RANBP2: variants seen among roughly 807,000 people sequenced by gnomAD.
RANBP2 encodes the protein RAN binding protein 2, also known as E3 SUMO-protein ligase RanBP2.
In RANBP2, 57 loss-of-function variants were observed where a neutral mutation model predicts 303.6. That is an observed-to-expected ratio of 0.19 (90% CI 0.15 to 0.23). RANBP2 has a LOEUF of 0.23. Ranked by LOEUF, RANBP2 falls within the 10% of genes least tolerant of loss-of-function variation. The pLI is 1.00. For synonymous variants in RANBP2, 1,167 were observed against 1,301.5 expected (o/e 0.90, Z 2.23); for missense variants, 3,138 against 3,780.8 (o/e 0.83, Z 4.46).
At chr2:108,806,206 G>A in the RANBP2 span, among the ~76,000 whole-genome samples, 1 of 152,214 alleles carries the variant, frequency 6.6e-6, no homozygotes, top group Non-Finnish European at 1.5e-5. Context: ...TGTCTGTTTG[G>A]AATCCCACTT....
the RANBP2 span, among the ~76,000 whole-genome samples, chr2:109,520,322 G>A: frequency 6.6e-6 from 1 of 152,172 alleles, no homozygotes; most frequent in Non-Finnish European, 1.5e-5. Context: ...TATGATGTTG[G>A]CCAGGCGCGG....
chr2:108,866,944 G>A, the RANBP2 span, among the ~76,000 whole-genome samples: 711 of 151,378 alleles, frequency 4.7e-3, 7 homozygotes, highest in African/African-American at 0.014. Context: ...TTCCTCCCCT[G>A]TATTATAAAT....
chr2:109,679,833 C>G, the RANBP2 span, among the ~76,000 whole-genome samples: 2 of 152,106 alleles, frequency 1.3e-5, no homozygotes, highest in African/African-American at 4.8e-5. Context: ...GCTCACAATT[C>G]AAGTTTGAGA....
chr2:108,947,686 T>C, the RANBP2 span, among the ~76,000 whole-genome samples: 3 of 152,186 alleles, frequency 2.0e-5, no homozygotes, highest in African/African-American at 7.2e-5. Context: ...TAGCTGCAGC[T>C]GGAGCTGGAG....
the RANBP2 span, among the ~76,000 whole-genome samples, chr2:109,677,345 G>A: frequency 5.3e-5 from 8 of 152,176 alleles, no homozygotes; most frequent in African/African-American, 1.7e-4. Context: ...CTTGGGGGCA[G>A]GGGGCTTGTG....
the RANBP2 span, among the ~76,000 whole-genome samples, chr2:109,365,811 T>C: frequency 6.6e-6 from 1 of 152,254 alleles, no homozygotes; most frequent in Non-Finnish European, 1.5e-5. Context: ...TTGTGAACTA[T>C]GATCCTGCCA....
chr2:109,498,675 A>G, the RANBP2 span, among the ~76,000 whole-genome samples: 2 of 152,328 alleles, frequency 1.3e-5, no homozygotes, highest in East Asian at 3.9e-4. Flanking sequence ...TAGGTCCAGG[A>G]TGGGCCCAGG....
At chr2:109,198,249 A>T in the RANBP2 span, among the ~76,000 whole-genome samples, 1 of 152,200 alleles carries the variant, frequency 6.6e-6, no homozygotes, top group Non-Finnish European at 1.5e-5. Context: ...CCAGCCTGTG[A>T]TCTAAGCCCT....
At chr2:109,726,376 C>T in the RANBP2 span, among the ~76,000 whole-genome samples, 1 of 151,970 alleles carries the variant, frequency 6.6e-6, no homozygotes, top group Non-Finnish European at 1.5e-5. Flanking sequence ...CACCACTGCA[C>T]TCCAGCCTGG....
At chr2:108,833,881 CCACGCCCGGCT>C in the RANBP2 span, among the ~76,000 whole-genome samples, 1 of 146,694 alleles carries the variant, frequency 6.8e-6, no homozygotes, top group Non-Finnish European at 1.5e-5. Flanking sequence ...GCGCCCGCTA[CCACGCCCGGCT>C]AATTTTTTTT....
the RANBP2 span, among the ~76,000 whole-genome samples, chr2:109,242,204 G>C: frequency 7.9e-5 from 12 of 152,204 alleles, no homozygotes; most frequent in African/African-American, 2.9e-4. Flanking sequence ...CCCTTTTCCT[G>C]CTGTTCTCAA....
chr2:109,568,839 A>T, the RANBP2 span, among the ~76,000 whole-genome samples: 1 of 152,190 alleles, frequency 6.6e-6, no homozygotes, highest in Admixed American at 6.5e-5. Context: ...CTTAGACAGC[A>T]GAGGAAGGAA....
the RANBP2 span, among the ~76,000 whole-genome samples, chr2:108,914,739 G>A: frequency 1.3e-5 from 2 of 152,284 alleles, no homozygotes; most frequent in South Asian, 2.1e-4. Flanking sequence ...GGAGAAATCC[G>A]TGAAGTGCAC....
At chr2:109,630,993 G>A in the RANBP2 span, among the ~76,000 whole-genome samples, 2 of 152,192 alleles carry the variant, frequency 1.3e-5, no homozygotes, top group Admixed American at 1.3e-4. Flanking sequence ...TTGAACCCGG[G>A]AGGCGGAGGT....
At chr2:109,597,311 C>A in the RANBP2 span, among the ~76,000 whole-genome samples, 1 of 152,168 alleles carries the variant, frequency 6.6e-6, no homozygotes, top group South Asian at 2.1e-4. Context: ...CCTCTAATGG[C>A]AAACAGAGCT....
At chr2:109,484,652 C>G in the RANBP2 span, among the ~76,000 whole-genome samples, 1 of 152,176 alleles carries the variant, frequency 6.6e-6, no homozygotes, top group Admixed American at 6.5e-5. Context: ...CAACTTTCTC[C>G]TTTTTATTTT....
At chr2:108,985,979 G>T in the RANBP2 span, among the ~76,000 whole-genome samples, 1 of 152,092 alleles carries the variant, frequency 6.6e-6, no homozygotes, top group Non-Finnish European at 1.5e-5. Context: ...CTAATGAATG[G>T]CTGATCCCTG....
chr2:109,132,253 A>T, the RANBP2 span, among the ~76,000 whole-genome samples: 1 of 152,220 alleles, frequency 6.6e-6, no homozygotes, highest in African/African-American at 2.4e-5. Flanking sequence ...TAGGGTATGT[A>T]TACTTTTTAG....
At chr2:109,471,121 G>C in the RANBP2 span, among the ~76,000 whole-genome samples, 2 of 145,876 alleles carry the variant, frequency 1.4e-5, no homozygotes, top group Non-Finnish European at 3.0e-5. Context: ...TTGGGAGGCT[G>C]AGAATCACTT....
Sources: gnomAD v4.1 joint callset for allele counts (sites outside exome capture counted in the v4.1 genomes callset) on GRCh38, gnomAD v4.1.1 for gene constraint, MANE v1.5 for transcripts, NCBI Gene and HGNC (gene_info 2026-07-23, HGNC 2026-07-21) for gene names.